Variants in CNNM3 observed in about 807,000 individuals in gnomAD.
The protein encoded by CNNM3 is cyclin and CBS domain divalent metal cation transport mediator 3, also known as metal transporter CNNM3.
CNNM3 carries 47 observed loss-of-function variants against 57.1 expected under a neutral mutation model. That is an observed-to-expected ratio of 0.82 (90% CI 0.65 to 1.05). The LOEUF (loss-of-function observed/expected upper bound fraction) is 1.05. CNNM3 is among the 50% of genes least tolerant of loss of function. The pLI is 0.00. For synonymous variants in CNNM3, 507 were observed against 478.2 expected, an observed-to-expected ratio of 1.06 and a Z score of -0.79; for missense variants, 957 against 973.7, an observed-to-expected ratio of 0.98 and a Z score of 0.23.
intron 3 of CNNM3, 106 bp downstream of exon 3, chr2:96,827,088 G>C (rs1387210666): frequency 7.5e-7 from 1 of 1,341,538 alleles, no homozygotes; most frequent in African/African-American, 1.5e-5. Context: ...TAGCAGGCGG[G>C]TGCGTCTTGA....
At chr2:96,820,032 G>A (rs1184860596) in intron 1 of CNNM3, among the ~76,000 whole-genome samples, 1 of 152,244 alleles carries the variant, frequency 6.6e-6, no homozygotes, top group African/African-American at 2.4e-5. Flanking sequence ...TGTGTGCTGT[G>A]TAAGGAACTT....
chr2:96,825,089 G>C lies in CNNM3; in HGVS notation c.1257G>C (p.Val419=), dbSNP rs1472278884. Reference sequence around the variant, plus strand: ...CCCACCTGGCCATCGTGCAGAAGGTGAACAACGAGGGTGAAGGCGACCCCT... The same window carrying C: ...CCCACCTGGCCATCGTGCAGAAGGTCAACAACGAGGGTGAAGGCGACCCCT... The part of the protein sequence containing the change: ...GKSHLAIVQK[V]NNEGEGDPFY... Residue 419 remains valine, a synonymous_variant, in exon 2 of 8, where the codon GTG becomes GTC. Coordinates refer to ENST00000305510, the MANE Select transcript of CNNM3 (RefSeq NM_017623.5). 6.2e-7 allele frequency: 1 copy of C among 1,613,574 alleles called. No individual in the cohort carries two copies. Among genetic ancestry groups the C allele is most frequent in the African/African-American group, 1.3e-5 (1 of 75,030 alleles).
In CNNM3 at chr2:96,816,992, G is replaced by C. The variant is rs2153353066; in HGVS notation, c.715G>C (p.Val239Leu). The C allele has an allele frequency of 1.5e-6, 2 of 1,365,024 alleles. No homozygotes were observed. Among genetic ancestry groups the C allele is most frequent in the South Asian group, 1.4e-5 (1 of 71,324 alleles). The allele number at this position is 1,365,024 out of a possible 1,614,324, so 84.6% of individuals were successfully genotyped here. The change falls in exon 1 of 8, where the codon GTG becomes CTG. Residue 239 changes from valine to leucine, a missense_variant. Around this residue, in one of 2 missense-constraint regions of CNNM3, gnomAD observed 466 missense variants for 403.1 expected, o/e 1.16. Coordinates refer to ENST00000305510, the MANE Select transcript of CNNM3 (RefSeq NM_017623.5). ...GCTCGTGTTCCTGGTGGGAGAGGTG[G>C]TGCCGGCCGCCGTGAGCGGGCGCTG... is the stretch of plus-strand genomic sequence containing the variant. ...AGLVFLVGEV[V>L]PAAVSGRWTL... is the part of the protein sequence containing the mutation.
At chr2:96,836,905 T>C (rs1299064749), downstream of CNNM3, 1 of 149,398 alleles carries the variant, frequency 6.7e-6, no homozygotes, top group Non-Finnish European at 1.5e-5. Flanking sequence ...GTATAATGTG[T>C]AAGACTTAGG....
chr2:96,827,232 C>T (rs1447885213), intron 3 of CNNM3, among the ~76,000 whole-genome samples: 1 of 151,370 alleles, frequency 6.6e-6, no homozygotes, highest in African/African-American at 2.4e-5. Context: ...CCTCAGCTCT[C>T]AGCTGGGCGG....
At chr2:96,832,080 C>A in intron 7 of CNNM3, 4 of 993,404 alleles carry the variant, frequency 4.0e-6, no homozygotes, top group Non-Finnish European at 3.6e-6. Context: ...TAAATATCTT[C>A]CCTCTCCCTG....
intron 1 of CNNM3, among the ~76,000 whole-genome samples, chr2:96,819,003 G>A (rs1559007070): frequency 6.6e-6 from 1 of 152,202 alleles, no homozygotes; most frequent in Non-Finnish European, 1.5e-5. Flanking sequence ...GAGCTGATGG[G>A]CACTTTCTGT....
In CNNM3 at chr2:96,816,361, G is replaced by C. The variant is rs146227689; in HGVS notation, c.84G>C (p.Ala28=). Residue 28 remains alanine, a synonymous_variant, in exon 1 of 8, where the codon GCG becomes GCC. Transcript: ENST00000305510. ...TGGGCAACGCCGCGGGGGAGGCCGC[G>C]CCGGGCCCGCGAGTGCTGGGCTTCT... ...LCLGNAAGEA[A]PGPRVLGFCL... is the part of the protein sequence containing the mutation. 31,410 of 1,302,416 alleles carry C rather than the reference G, an allele frequency of 0.024. 449 individuals are homozygous for C. The highest frequency in any genetic ancestry group is 0.028 in the Non-Finnish European group (28,470 of 1,024,038). The allele number at this position is 1,302,416 out of a possible 1,614,324, so 80.7% of individuals were successfully genotyped here. A position where few individuals can be genotyped will look rare whatever the true frequency, so the allele number is the denominator to read the frequency against.
chr2:96,819,806 G>C (rs531677546), intron 1 of CNNM3, among the ~76,000 whole-genome samples: 1 of 152,320 alleles, frequency 6.6e-6, no homozygotes, highest in East Asian at 1.9e-4. Flanking sequence ...GGCAACTTCT[G>C]TAGTTGGTCA....
rs541760568 is a variant in CNNM3 at position 96,829,544 on chromosome 2, G to A, written c.2059+410G>A. ...TTGAACTCCTGACCTCAGATGATCC[G>A]CCTGCCTCACCTTCCCAAAGTGCTG... On this transcript the variant is annotated intron_variant, in intron 7 of 7. Transcript: ENST00000305510. 1.2e-4 allele frequency among the ~76,000 whole-genome samples: 18 copies of A among 150,938 alleles called. 1 individual carries two copies. In the South Asian group the frequency reaches 3.8e-3, roughly 32 times the overall value.
chr2:96,830,104 G>C (rs2079576082), intron 7 of CNNM3, among the ~76,000 whole-genome samples: 1 of 152,184 alleles, frequency 6.6e-6, no homozygotes, highest in Non-Finnish European at 1.5e-5. Flanking sequence ...GTGGTGAAGG[G>C]TTTCTTGTTC....
At chr2:96,829,352 G>A in intron 7 of CNNM3, 1 of 460,242 alleles carries the variant, frequency 2.2e-6, no homozygotes, top group Non-Finnish European at 2.8e-6. Flanking sequence ...CCAGGCTGGA[G>A]TACAATGGTG....
chr2:96,825,202 G>GT lies in CNNM3; in HGVS notation c.1369+2dup. ...ATCCTGGACGAGTCTGAAGACTACC[G>GT]TGAGTCCAGACTCTTGGCAGTTCTG... is the stretch of plus-strand genomic sequence containing the variant. On this transcript the variant is annotated splice_donor_variant, in intron 2 of 7. Transcript: ENST00000305510. LOFTEE classifies it high-confidence loss of function. 1 of 1,614,006 alleles carries GT rather than the reference G, an allele frequency of 6.2e-7. No homozygotes were observed. Among genetic ancestry groups the GT allele is most frequent in the East Asian group, 2.2e-5 (1 of 44,870 alleles).
Position 96,833,340 on chromosome 2 carries a change from G to T in CNNM3, c.*724G>T, listed in dbSNP as rs754370362. 1 of 289,450 alleles carries T rather than the reference G, an allele frequency of 3.5e-6. No individual in the cohort carries two copies. The highest frequency in any genetic ancestry group is 6.8e-6 in the Non-Finnish European group (1 of 146,184). The allele number at this position is 289,450 out of a possible 1,614,324, so 17.9% of individuals were successfully genotyped here. A position where few individuals can be genotyped will look rare whatever the true frequency, so the allele number is the denominator to read the frequency against. On this transcript the variant is annotated 3_prime_UTR_variant, in exon 8 of 8. Transcript: ENST00000305510. ...TGAGTTGCCACTCGCAGTGTTGTCA[G>T]TTCCCGTGTTCTGAGAAGAGGTCAT...
In CNNM3 at chr2:96,816,987, A is replaced by G; in HGVS notation, c.710A>G (p.Glu237Gly). The G allele has an allele frequency of 7.3e-7, 1 of 1,361,406 alleles. No individual in the cohort carries two copies. The highest frequency in any genetic ancestry group is 9.5e-7 in the Non-Finnish European group (1 of 1,051,386). 84.3% of individuals were successfully genotyped at this position (1,361,406 alleles called of 1,614,324 possible). ...GSAGLVFLVG[E>G]VVPAAVSGRW... ...GCGGGGCTCGTGTTCCTGGTGGGAG[A>G]GGTGGTGCCGGCCGCCGTGAGCGGG... The change falls in exon 1 of 8, where the codon GAG (glutamate) becomes GGG (glycine). Residue 237 changes from glutamate (E) to glycine (G), a missense_variant. By Grantham distance (98) the Glu-to-Gly change is moderately conservative. This residue lies in a region of CNNM3 where 466 missense variants were observed against 403.1 expected (regional missense o/e 1.16). Coordinates refer to ENST00000305510, the MANE Select transcript of CNNM3 (RefSeq NM_017623.5).
downstream of CNNM3, among the ~76,000 whole-genome samples, chr2:96,835,562 G>C (rs113982079): frequency 2.7e-5 from 4 of 150,424 alleles, no homozygotes; most frequent in African/African-American, 9.9e-5. Context: ...TCTGCCTCCC[G>C]GGTTCATGCC....
rs756604961 is a variant in CNNM3 at position 96,825,027 on chromosome 2, A to T, written c.1226-31A>T. ...TGAATCAAACTGGGGGGGGCCCAGC[A>T]AGCTGTTCCATGAGTGTCCTCCCCC... is the stretch of plus-strand genomic sequence containing the variant. On this transcript the variant is annotated intron_variant, in intron 1 of 7. Coordinates refer to ENST00000305510, the MANE Select transcript of CNNM3 (RefSeq NM_017623.5). The T allele has an allele frequency of 2.3e-5, 37 of 1,610,712 alleles. No homozygotes were observed. In the Admixed American group the frequency reaches 6.2e-4, roughly 27 times the overall value.
chr2:96,827,934 G>C, intron 4 of CNNM3, 34 bp downstream of exon 4: 1 of 1,601,482 alleles, frequency 6.2e-7, no homozygotes, highest in Non-Finnish European at 8.5e-7. Flanking sequence ...AGTCCCTCCT[G>C]CTTCCTCAGG....
chr2:96,836,986 T>TC (rs777973884), downstream of CNNM3: 2 of 152,248 alleles, frequency 1.3e-5, no homozygotes, highest in Non-Finnish European at 2.9e-5. Context: ...AGGCTGTCCT[T>TC]CCTCCATTGA....
Sources: gnomAD v4.1 joint callset for allele counts (sites outside exome capture counted in the v4.1 genomes callset) on GRCh38, gnomAD v4.1.1 for gene constraint, gnomAD v4.1.1 regional missense constraint, MANE v1.5 for transcripts, NCBI Gene and HGNC (gene_info 2026-07-23, HGNC 2026-07-21) for gene names.